The following DAP variants were observed in gnomAD, a reference collection of about 807,000 sequenced individuals.
The protein encoded by DAP is death-associated protein 1.
A neutral mutation model predicts 13.8 loss-of-function variants in DAP; 8 were observed. The ratio of observed to expected loss-of-function variants is 0.58; its 90% CI spans 0.34 to 1.05. DAP has a LOEUF of 1.05. DAP is among the 50% of genes least tolerant of loss of function. The pLI is 0.03. For missense variants in DAP, 106 were observed against 133.2 expected (o/e 0.80, Z 1.01); for synonymous variants, 47 against 47.5 (o/e 0.99, Z 0.04).
At chr5:10,733,155 CGT>C (rs55645932) in intron 2 of DAP, among the ~76,000 whole-genome samples, 10,580 of 128,160 alleles carry the variant, frequency 0.083, 408 homozygotes, top group Middle Eastern at 0.16. Flanking sequence ...AATATTCCTG[CGT>C]GTGTGTGTGT....
chr5:10,739,256 G>GTGGTGAAAT (rs1561029686), intron 2 of DAP, among the ~76,000 whole-genome samples: 1 of 146,270 alleles, frequency 6.8e-6, no homozygotes, highest in African/African-American at 2.5e-5. Flanking sequence ...AGCAGCAAGT[G>GTGGTGAAAT]TGGTGAAATT....
At position 10,707,758 on chromosome 5, in the gene DAP, T is replaced by C. The variant is rs3797126; in HGVS notation, c.153-24187A>G. Among the ~76,000 whole-genome samples the C allele has an allele frequency of 0.16, 23,623 of 152,068 alleles. 1,925 individuals are homozygous for C. The highest frequency in any genetic ancestry group is 0.25 in the Middle Eastern group (73 of 294). Reference sequence around the variant, plus strand: ...GGTATGGCACACAGGTGGCGTGGCATAGGAATCATGTGATGCACAGGTGCT... The same window carrying C: ...GGTATGGCACACAGGTGGCGTGGCACAGGAATCATGTGATGCACAGGTGCT... On this transcript the variant is annotated intron_variant, in intron 2 of 3. Coordinates refer to ENST00000230895, the MANE Select transcript of DAP (RefSeq NM_004394.3). This position sits in a 1 kb window ranked among gnomAD's most constrained non-coding sequence, Gnocchi z 4.0.
intron 2 of DAP, among the ~76,000 whole-genome samples, chr5:10,699,752 G>C (rs1738520403): frequency 9.1e-6 from 1 of 109,992 alleles, no homozygotes; most frequent in South Asian, 3.9e-4. Context: ...GGCAGGGGCA[G>C]GAAGCAAGGG....
At chr5:10,688,660 T>C (rs952864635) in intron 2 of DAP, among the ~76,000 whole-genome samples, 5 of 151,744 alleles carry the variant, frequency 3.3e-5, no homozygotes, top group African/African-American at 1.2e-4. Flanking sequence ...TTTATAAAGA[T>C]TGACACACAC....
At chr5:10,700,646 T>G (rs1304869222) in intron 2 of DAP, among the ~76,000 whole-genome samples, 1 of 152,088 alleles carries the variant, frequency 6.6e-6, no homozygotes, top group African/African-American at 2.4e-5. Flanking sequence ...GGCGCTTCCA[T>G]CAGGTAAATA....
intron 2 of DAP, among the ~76,000 whole-genome samples, chr5:10,688,207 C>T (rs1475818140): frequency 6.6e-6 from 1 of 152,064 alleles, no homozygotes; most frequent in Non-Finnish European, 1.5e-5. Flanking sequence ...TGAGCCATCA[C>T]ACCTGGCCTG....
chr5:10,685,525 A>G (rs1738134802), intron 2 of DAP, among the ~76,000 whole-genome samples: 1 of 152,244 alleles, frequency 6.6e-6, no homozygotes, highest in South Asian at 2.1e-4. Flanking sequence ...AGATTTGGAA[A>G]GGAATACACA....
chr5:10,745,845 T>C (rs1739888991), intron 2 of DAP, among the ~76,000 whole-genome samples: 1 of 152,152 alleles, frequency 6.6e-6, no homozygotes. Flanking sequence ...GGGAAACAGA[T>C]GGTTATGAAG....
At chr5:10,726,725 G>A (rs1465771130) in intron 2 of DAP, among the ~76,000 whole-genome samples, 11 of 152,088 alleles carry the variant, frequency 7.2e-5, no homozygotes, top group Non-Finnish European at 1.3e-4. Flanking sequence ...CAGCTAATAC[G>A]TCAGCCTGCC....
At chr5:10,719,969 C>T (rs1475610461) in intron 2 of DAP, among the ~76,000 whole-genome samples, 2 of 152,182 alleles carry the variant, frequency 1.3e-5, no homozygotes, top group Admixed American at 6.5e-5. Flanking sequence ...GGGAAATCTT[C>T]CCAGTGGGCA....
intron 2 of DAP, among the ~76,000 whole-genome samples, chr5:10,692,334 T>C (rs1355827536): frequency 6.6e-6 from 1 of 152,232 alleles, no homozygotes; most frequent in African/African-American, 2.4e-5. Flanking sequence ...TGTAAAGCGA[T>C]GCACTCTTGT....
intron 3 of DAP, 84 bp from the exon 4 acceptor site, chr5:10,681,253 A>T: frequency 9.2e-7 from 1 of 1,083,210 alleles, no homozygotes; most frequent in Non-Finnish European, 1.3e-6. Flanking sequence ...AGTGCCCACC[A>T]GCGTCCCTGC....
At chr5:10,743,511 C>A (rs1266251543) in intron 2 of DAP, among the ~76,000 whole-genome samples, 1 of 152,174 alleles carries the variant, frequency 6.6e-6, no homozygotes, top group Non-Finnish European at 1.5e-5. Flanking sequence ...TTGTCAGTGA[C>A]CAAACCCGTT....
chr5:10,703,513 A>G (rs1164375198), intron 2 of DAP, among the ~76,000 whole-genome samples: 1 of 152,240 alleles, frequency 6.6e-6, no homozygotes, highest in Non-Finnish European at 1.5e-5. Context: ...TGGAAGCATC[A>G]TTGAGGAAGT....
Position 10,707,752 on chromosome 5 carries a change from G to A in DAP, c.153-24181C>T, listed in dbSNP as rs927769474. ...GTGGGTGGTATGGCACACAGGTGGC[G>A]TGGCATAGGAATCATGTGATGCACA... On this transcript the variant is annotated intron_variant, in intron 2 of 3. Coordinates refer to ENST00000230895, the MANE Select transcript of DAP (RefSeq NM_004394.3). The surrounding 1 kb of genome is among the most constrained non-coding windows in gnomAD (Gnocchi z 4.0). Among the ~76,000 whole-genome samples, 26 of 152,218 alleles carry A rather than the reference G, an allele frequency of 1.7e-4. No homozygotes were observed. The highest frequency in any genetic ancestry group is 3.2e-4 in the Non-Finnish European group (22 of 68,042).
intron 1 of DAP, 39 bp downstream of exon 1, chr5:10,760,975 C>T (rs1561040308): frequency 8.4e-6 from 10 of 1,196,292 alleles, no homozygotes; most frequent in Non-Finnish European, 9.4e-6. Context: ...AGCCCGCCCC[C>T]GGCACCCGCG....
At chr5:10,756,468 C>T (rs932027977) in intron 1 of DAP, among the ~76,000 whole-genome samples, 8 of 152,044 alleles carry the variant, frequency 5.3e-5, no homozygotes, top group Admixed American at 4.6e-4. Flanking sequence ...TCATGTCTGA[C>T]GTATCAATTA....
At chr5:10,690,156 T>C (rs1738271411) in intron 2 of DAP, among the ~76,000 whole-genome samples, 1 of 152,128 alleles carries the variant, frequency 6.6e-6, no homozygotes, top group Non-Finnish European at 1.5e-5. Flanking sequence ...GAGAAAGTCT[T>C]ATCGAGCCGC....
chr5:10,710,784 T>C (rs1738828681), intron 2 of DAP, among the ~76,000 whole-genome samples: 1 of 152,044 alleles, frequency 6.6e-6, no homozygotes, highest in African/African-American at 2.4e-5. Context: ...AGGGACACTG[T>C]GGAGTCAGTG....
Sources: allele counts gnomAD v4.1 joint callset (sites outside exome capture counted in the v4.1 genomes callset), GRCh38; gene constraint gnomAD v4.1.1; non-coding constraint Gnocchi (gnomAD v3.1); transcripts MANE v1.5; gene names NCBI Gene and HGNC (gene_info 2026-07-23, HGNC 2026-07-21).